The following NCKAP1 variants were observed in gnomAD, a reference collection of about 807,000 sequenced individuals.
NCKAP1 encodes the protein nck-associated protein 1.
In NCKAP1, 21 loss-of-function variants were observed where a neutral mutation model predicts 151.2. That is an observed-to-expected ratio of 0.14 (90% CI 0.10 to 0.20). The LOEUF is 0.20. Ranked by LOEUF, NCKAP1 falls within the 10% of genes least tolerant of loss-of-function variation. The probability of loss-of-function intolerance (pLI) is 1.00; values close to 1 mark genes in which losing one functional copy is unlikely to be tolerated. For missense variants in NCKAP1, 933 were observed against 1,352.1 expected (o/e 0.69, Z 4.86); for synonymous variants, 484 against 451.8 (o/e 1.07, Z -0.90).
chr2:182,940,150 A>C (rs955761277), intron 24 of NCKAP1, among the ~76,000 whole-genome samples: 1 of 152,238 alleles, frequency 6.6e-6, no homozygotes, highest in Non-Finnish European at 1.5e-5. Flanking sequence ...GGAACAGTCA[A>C]AAGACTGTTA....
At chr2:183,005,396 A>C (rs1486597433) in intron 2 of NCKAP1, among the ~76,000 whole-genome samples, 1 of 152,136 alleles carries the variant, frequency 6.6e-6, no homozygotes, top group East Asian at 1.9e-4. Flanking sequence ...TCTTAAATAC[A>C]AACCTCATTT....
rs1267347454 is a variant in NCKAP1, at chr2:182,924,229, A to G, written c.*1473T>C. 6.6e-6 allele frequency: 1 copy of G among 152,232 alleles called. No homozygotes were observed. The highest frequency in any genetic ancestry group is 1.5e-5 in the Non-Finnish European group (1 of 68,026). The allele number at this position is 152,232 out of a possible 1,614,324, so 9.4% of individuals were successfully genotyped here. A position where few individuals can be genotyped will look rare whatever the true frequency, so the allele number is the denominator to read the frequency against. On this transcript the variant is annotated 3_prime_UTR_variant, in exon 31 of 31. Transcript: ENST00000361354. ...GGCTGGACAAATCATACACAAAATA[A>G]TAGCATAATCTCATAGTACTTCAAT...
intron 2 of NCKAP1, among the ~76,000 whole-genome samples, chr2:183,012,895 T>C (rs1313187794): frequency 6.6e-6 from 1 of 151,862 alleles, no homozygotes; most frequent in African/African-American, 2.4e-5. Flanking sequence ...AAAGTGCTAT[T>C]ACAGGCATGA....
intron 2 of NCKAP1, among the ~76,000 whole-genome samples, chr2:183,007,749 G>A (rs1238747399): frequency 6.6e-6 from 1 of 152,136 alleles, no homozygotes; most frequent in Non-Finnish European, 1.5e-5. Flanking sequence ...GCTGCTCAAA[G>A]TAAGAGTGCA....
intron 15 of NCKAP1, among the ~76,000 whole-genome samples, chr2:182,972,239 A>C (rs773936528): frequency 0.01 from 1,528 of 151,146 alleles, 15 homozygotes; most frequent in Non-Finnish European, 0.018. Context: ...AAAAAAAAAA[A>C]AAAAAACAAA....
intron 9 of NCKAP1, among the ~76,000 whole-genome samples, chr2:182,987,996 G>T (rs1403778981): frequency 2.6e-5 from 4 of 152,082 alleles, no homozygotes; most frequent in African/African-American, 9.7e-5. Context: ...TGATGCCGGA[G>T]TTTTCATATG....
At chr2:182,931,393 C>A (rs902578165) in intron 26 of NCKAP1, among the ~76,000 whole-genome samples, 2 of 151,736 alleles carry the variant, frequency 1.3e-5, no homozygotes, top group South Asian at 2.1e-4. Context: ...TCTGATATTG[C>A]GACAAAAAAC....
chr2:183,025,908 T>C (rs1698885403), intron 1 of NCKAP1, among the ~76,000 whole-genome samples: 1 of 152,218 alleles, frequency 6.6e-6, no homozygotes, highest in Non-Finnish European at 1.5e-5. Flanking sequence ...TCTTTCATAT[T>C]CTAACTATTG....
At chr2:183,030,654 T>C (rs1448528211) in intron 1 of NCKAP1, among the ~76,000 whole-genome samples, 2 of 151,978 alleles carry the variant, frequency 1.3e-5, no homozygotes, top group African/African-American at 2.4e-5. Flanking sequence ...TTTTGCAAAA[T>C]TGAAGGAATA....
At chr2:183,020,456 C>G (rs1373400800) in intron 2 of NCKAP1, among the ~76,000 whole-genome samples, 1 of 137,078 alleles carries the variant, frequency 7.3e-6, no homozygotes, top group East Asian at 2.0e-4. Flanking sequence ...TAAAGCAGGA[C>G]CGTGTCCCAA....
chr2:182,986,269 A>C, intron 9 of NCKAP1, 42 bp from the exon 10 acceptor site: 1 of 1,474,402 alleles, frequency 6.8e-7, no homozygotes, highest in Non-Finnish European at 9.5e-7. Context: ...TAATTTGATC[A>C]ATAACTGTCA....
chr2:183,030,754 A>G (rs1379725572), intron 1 of NCKAP1, among the ~76,000 whole-genome samples: 1 of 152,264 alleles, frequency 6.6e-6, no homozygotes, highest in Non-Finnish European at 1.5e-5. Context: ...TGGAATGTAA[A>G]AGTAATATAT....
At chr2:182,965,805 TATA>T (rs1039564968) in intron 16 of NCKAP1, among the ~76,000 whole-genome samples, 3 of 152,190 alleles carry the variant, frequency 2.0e-5, no homozygotes, top group Non-Finnish European at 2.9e-5. Flanking sequence ...TATCTAAACA[TATA>T]ATGTTTCATG....
chr2:183,006,924 T>C (rs1485020254), intron 2 of NCKAP1, among the ~76,000 whole-genome samples: 2 of 152,084 alleles, frequency 1.3e-5, no homozygotes. Context: ...CAGGCTGGAG[T>C]GTAGTGGTGT....
At chr2:182,942,246 G>C (rs1241910285) in intron 23 of NCKAP1, 83 bp from the exon 24 acceptor site, 6 of 1,016,746 alleles carry the variant, frequency 5.9e-6, no homozygotes, top group Non-Finnish European at 8.8e-6. Flanking sequence ...ATTACAATCT[G>C]GCAAGTAGGA....
intron 4 of NCKAP1, among the ~76,000 whole-genome samples, chr2:183,002,557 G>A (rs1028747717): frequency 6.6e-6 from 1 of 151,914 alleles, no homozygotes; most frequent in East Asian, 1.9e-4. Flanking sequence ...AGGAACACTG[G>A]TGCCAATCTC....
rs975839957 is a variant in NCKAP1, at chr2:182,927,678, A to T, written c.3180+439T>A. Among the ~76,000 whole-genome samples, 3 of 152,030 alleles carry T rather than the reference A, an allele frequency of 2.0e-5. No individual in the cohort carries two copies. The East Asian group carries it at 5.8e-4, about 29-fold the overall frequency. The stretch of plus-strand genomic sequence containing the variant: ...TTTTCACCATTAATTGTCTTTCTCC[A>T]AAGAAATGGAAAAAAGTAAAATATG... On this transcript the variant is annotated intron_variant, in intron 29 of 30. Transcript: ENST00000361354.
At chr2:182,984,055 GC>G (rs1697997390) in intron 10 of NCKAP1, among the ~76,000 whole-genome samples, 1 of 76,886 alleles carries the variant, frequency 1.3e-5, no homozygotes, top group Admixed American at 1.6e-4. Flanking sequence ...ATCCTTGAAG[GC>G]AAAAACTGAC....
intron 9 of NCKAP1, among the ~76,000 whole-genome samples, chr2:182,987,993 G>A (rs556842444): frequency 1.1e-4 from 16 of 152,220 alleles, no homozygotes; most frequent in East Asian, 3.9e-4. Flanking sequence ...TGATGATGCC[G>A]GAGTTTTCAT....
Sources: allele counts gnomAD v4.1 joint callset (sites outside exome capture counted in the v4.1 genomes callset), GRCh38; gene constraint gnomAD v4.1.1; transcripts MANE v1.5; gene names NCBI Gene and HGNC (gene_info 2026-07-23, HGNC 2026-07-21).